TAFA2: variants seen among roughly 807,000 people sequenced by gnomAD.
TAFA2 encodes the protein chemokine-like protein TAFA-2.
A neutral mutation model predicts 18.8 loss-of-function variants in TAFA2; 7 were observed. The ratio of observed to expected loss-of-function variants is 0.37; its 90% CI spans 0.21 to 0.70. The LOEUF is 0.70. Ranked by LOEUF, TAFA2 falls within the 30% of genes least tolerant of loss-of-function variation. The pLI, the probability that TAFA2 is intolerant of heterozygous loss-of-function variation, is 0.53. For synonymous variants in TAFA2, 60 were observed against 54.2 expected (o/e 1.11, Z -0.47); for missense variants, 122 against 158.1 (o/e 0.77, Z 1.23).
chr12:62,112,002 T>G (rs1416452792), intron 1 of TAFA2, among the ~76,000 whole-genome samples: 1 of 152,204 alleles, frequency 6.6e-6, no homozygotes, highest in African/African-American at 2.4e-5. Context: ...AGGTTAATAT[T>G]GTTATGTGTG....
At chr12:62,073,708 T>C (rs923476511) in intron 1 of TAFA2, among the ~76,000 whole-genome samples, 1 of 152,224 alleles carries the variant, frequency 6.6e-6, no homozygotes, top group Non-Finnish European at 1.5e-5. Flanking sequence ...AGTATCCCCT[T>C]ATTTTTTATT....
intron 1 of TAFA2, among the ~76,000 whole-genome samples, chr12:62,174,581 A>G (rs2062499895): frequency 6.6e-6 from 1 of 152,160 alleles, no homozygotes; most frequent in African/African-American, 2.4e-5. Context: ...AAAATCCACT[A>G]AAGAATTTAA....
At chr12:61,856,570 T>G (rs993073919) in intron 2 of TAFA2, among the ~76,000 whole-genome samples, 7 of 152,034 alleles carry the variant, frequency 4.6e-5, no homozygotes, top group African/African-American at 1.7e-4. Context: ...ACAACATATA[T>G]CAAAATGCAT....
chr12:62,150,991 T>C (rs1184399180), intron 1 of TAFA2, among the ~76,000 whole-genome samples: 1 of 150,610 alleles, frequency 6.6e-6, no homozygotes. Flanking sequence ...GTTGAAGGCC[T>C]TGTCAAAAAA....
chr12:61,951,181 A>G (rs965807418), intron 1 of TAFA2, among the ~76,000 whole-genome samples: 1 of 152,198 alleles, frequency 6.6e-6, no homozygotes, highest in Non-Finnish European at 1.5e-5. Context: ...AACGGAGGAT[A>G]TGTGACGCAG....
At position 62,224,122 on chromosome 12, in the gene TAFA2, A is replaced by G. The variant is rs553456508; in HGVS notation, c.-130+34641T>C. 3.8e-4 allele frequency among the ~76,000 whole-genome samples: 52 copies of G among 137,586 alleles called. No homozygotes were observed. The South Asian group carries it at 0.011, about 29-fold the overall frequency. The allele number at this position is 137,586 out of a possible 152,430, so 90.3% of individuals were successfully genotyped here. On this transcript the variant is annotated intron_variant, in intron 1 of 5. Transcript: ENST00000551619. ...ACACACACACACACACACACACACA[A>G]TGGAATATTATTCAGCCTTAAAAAG...
chr12:62,190,772 A>G (rs2062617635), intron 1 of TAFA2, among the ~76,000 whole-genome samples: 1 of 152,200 alleles, frequency 6.6e-6, no homozygotes, highest in Non-Finnish European at 1.5e-5. Context: ...CTGAGAATTA[A>G]CTAATCAGAA....
At chr12:61,824,199 T>C (rs80034360) in intron 2 of TAFA2, among the ~76,000 whole-genome samples, 1,654 of 152,160 alleles carry the variant, frequency 0.011, 42 homozygotes, top group East Asian at 0.1. Context: ...GCCAATAACA[T>C]GAATGAGCTT....
At chr12:62,233,634 C>T (rs1344448805) in intron 1 of TAFA2, among the ~76,000 whole-genome samples, 1 of 152,230 alleles carries the variant, frequency 6.6e-6, no homozygotes, top group African/African-American at 2.4e-5. Flanking sequence ...GAGACCAGCC[C>T]TGGCCCAGTG....
intron 1 of TAFA2, among the ~76,000 whole-genome samples, chr12:62,251,017 A>G (rs2062910995): frequency 7.4e-6 from 1 of 134,540 alleles, no homozygotes; most frequent in Non-Finnish European, 1.8e-5. Context: ...ATATTGTTGT[A>G]TGGCACTAGG....
At chr12:61,990,180 G>A (rs554793908) in intron 1 of TAFA2, among the ~76,000 whole-genome samples, 2 of 152,156 alleles carry the variant, frequency 1.3e-5, no homozygotes, top group East Asian at 3.9e-4. Flanking sequence ...GACAGCTGCA[G>A]TATAATGAAA....
intron 1 of TAFA2, among the ~76,000 whole-genome samples, chr12:62,068,586 T>C (rs1438039822): frequency 2.0e-5 from 3 of 152,144 alleles, no homozygotes; most frequent in African/African-American, 7.2e-5. Context: ...TCATCTATCA[T>C]GCCAGTCAAA....
At chr12:61,921,093 C>T (rs1341028936) in intron 1 of TAFA2, among the ~76,000 whole-genome samples, 1 of 152,176 alleles carries the variant, frequency 6.6e-6, no homozygotes, top group Non-Finnish European at 1.5e-5. Context: ...TAGGCCAAGA[C>T]ATAATGGGAA....
At chr12:61,994,410 C>T (rs1186572494) in intron 1 of TAFA2, among the ~76,000 whole-genome samples, 1 of 152,152 alleles carries the variant, frequency 6.6e-6, no homozygotes, top group Non-Finnish European at 1.5e-5. Context: ...TCTCTCAAGA[C>T]CTCTCTCCTG....
At chr12:62,083,446 G>A (rs985846813) in intron 1 of TAFA2, among the ~76,000 whole-genome samples, 24 of 151,830 alleles carry the variant, frequency 1.6e-4, no homozygotes, top group African/African-American at 5.8e-4. Context: ...TTTTTCTGGG[G>A]CATATGCCAT....
chr12:62,101,941 A>G (rs1396255223), intron 1 of TAFA2, among the ~76,000 whole-genome samples: 1 of 152,164 alleles, frequency 6.6e-6, no homozygotes, highest in Non-Finnish European at 1.5e-5. Flanking sequence ...ATGGTGAAAG[A>G]GCAATTAGCT....
At chr12:61,758,521 A>G (rs985171622) in intron 2 of TAFA2, among the ~76,000 whole-genome samples, 4 of 152,050 alleles carry the variant, frequency 2.6e-5, no homozygotes, top group African/African-American at 9.7e-5. Flanking sequence ...AGAGTCAGGT[A>G]GATGTGAGTG....
intron 2 of TAFA2, among the ~76,000 whole-genome samples, chr12:61,765,047 TG>T (rs1036532275): frequency 6.6e-6 from 1 of 152,140 alleles, no homozygotes; most frequent in African/African-American, 2.4e-5. Flanking sequence ...TGCTTTCCTA[TG>T]CATCAAACCT....
At chr12:62,004,642 T>C (rs1204737464) in intron 1 of TAFA2, among the ~76,000 whole-genome samples, 1 of 152,038 alleles carries the variant, frequency 6.6e-6, no homozygotes, top group Non-Finnish European at 1.5e-5. Context: ...ATGGGCAAGA[T>C]ATAGAACTAC....
Sources: allele counts gnomAD v4.1 joint callset (sites outside exome capture counted in the v4.1 genomes callset), GRCh38; gene constraint gnomAD v4.1.1; transcripts MANE v1.5; gene names NCBI Gene and HGNC (gene_info 2026-07-23, HGNC 2026-07-21).